Variants in UBAC2 observed in about 807,000 individuals in gnomAD.
The protein encoded by UBAC2 is ubiquitin-associated domain-containing protein 2.
A neutral mutation model predicts 44.0 loss-of-function variants in UBAC2; 26 were observed. The observed-to-expected ratio is 0.59, with a 90% CI of 0.43 to 0.82. The LOEUF is 0.82. Ranked by LOEUF, UBAC2 falls within the 40% of genes least tolerant of loss-of-function variation. UBAC2 has a pLI of 0.00. For missense variants in UBAC2, 329 were observed against 419.4 expected (o/e 0.78, Z 1.88); for synonymous variants, 155 against 154.3 (o/e 1.00, Z -0.04).
At position 99,370,447 on chromosome 13, in the gene UBAC2, A is replaced by C. The variant is rs180909490; in HGVS notation, c.927+2541A>C. Reference sequence around the variant, plus strand: ...TCAAAATCTATAAAAGAAAGTTAAGAGTGTTGCCATCATAATACTTTGAAG... The same window carrying C: ...TCAAAATCTATAAAAGAAAGTTAAGCGTGTTGCCATCATAATACTTTGAAG... On this transcript the variant is annotated intron_variant, in intron 8 of 8. Transcript: ENST00000403766. Among the ~76,000 whole-genome samples the C allele has an allele frequency of 3.1e-3, 476 of 152,348 alleles. 1 individual carries two copies. The highest frequency in any genetic ancestry group is 1.0e-2 in the African/African-American group (415 of 41,574).
chr13:99,294,812 C>T (rs773736681), intron 4 of UBAC2: 59 of 327,790 alleles, frequency 1.8e-4, no homozygotes, highest in Admixed American at 4.0e-4. Context: ...TTATTAAGAG[C>T]GCCTCCTTTT....
rs556372493 is a variant in UBAC2, at chr13:99,233,615, G to A, written c.32-4812G>A. Among the ~76,000 whole-genome samples the A allele has an allele frequency of 9.9e-5, 15 of 152,234 alleles. No individual in the cohort carries two copies. The East Asian group carries it at 2.3e-3, about 23-fold the overall frequency. Reference sequence around the variant, plus strand: ...GGGCTTCCACCTGGACCATCTGAACGTTGGAAAAAGAATGCAACTGATTGT... The same window carrying A: ...GGGCTTCCACCTGGACCATCTGAACATTGGAAAAAGAATGCAACTGATTGT... On this transcript the variant is annotated intron_variant, in intron 1 of 8. Coordinates refer to ENST00000403766, the MANE Select transcript of UBAC2 (RefSeq NM_001144072.2).
chr13:99,229,784 GTA>G (rs1555320783), intron 1 of UBAC2, among the ~76,000 whole-genome samples: 2 of 152,142 alleles, frequency 1.3e-5, no homozygotes, highest in Non-Finnish European at 2.9e-5. Flanking sequence ...TCTTATAAAT[GTA>G]TAGTTATAAA....
chr13:99,210,478 C>CTTTTTTTTTT (rs67744400), intron 1 of UBAC2, among the ~76,000 whole-genome samples: 2 of 112,632 alleles, frequency 1.8e-5, no homozygotes, highest in Non-Finnish European at 3.8e-5. Context: ...TTTTTCTTTT[C>CTTTTTTTTTT]TTTTTTTTTT....
chr13:99,380,443 C>T (rs1308955583), intron 8 of UBAC2, among the ~76,000 whole-genome samples: 1 of 152,152 alleles, frequency 6.6e-6, no homozygotes, highest in South Asian at 2.1e-4. Flanking sequence ...CCAAAGAGCC[C>T]TACAGACAAC....
chr13:99,296,164 C>A, intron 4 of UBAC2: 1 of 1,541,072 alleles, frequency 6.5e-7, no homozygotes, highest in Non-Finnish European at 8.7e-7. Flanking sequence ...GTCCAGGTGT[C>A]TAGAAAAAAA....
chr13:99,259,212 TTA>T (rs970787599), intron 4 of UBAC2, among the ~76,000 whole-genome samples: 10 of 152,168 alleles, frequency 6.6e-5, no homozygotes, highest in African/African-American at 2.4e-4. Flanking sequence ...TTAAAAAAAA[TTA>T]TCTCTCATTT....
intron 4 of UBAC2, chr13:99,255,318 G>A (rs145449053): frequency 3.6e-5 from 58 of 1,614,010 alleles, no homozygotes; most frequent in East Asian, 4.5e-5. Flanking sequence ...GGTTCAGCAC[G>A]TTCACAGCTT....
At chr13:99,246,193 TTGGTG>T (rs1177216190) in intron 4 of UBAC2, among the ~76,000 whole-genome samples, 1 of 152,196 alleles carries the variant, frequency 6.6e-6, no homozygotes, top group East Asian at 1.9e-4. Flanking sequence ...TGAATTATAG[TTGGTG>T]TGAATATCCA....
Position 99,318,071 on chromosome 13 carries a change from T to TAAC in UBAC2, c.561+4_561+5insCAA. 1 of 1,612,060 alleles carries TAAC rather than the reference T, an allele frequency of 6.2e-7. No individual in the cohort carries two copies. Among genetic ancestry groups the TAAC allele is most frequent in the Non-Finnish European group, 8.5e-7 (1 of 1,178,634 alleles). On this transcript the variant is annotated splice_region_variant and intron_variant, in intron 6 of 8. Transcript: ENST00000403766. ...TGGATTGTAGCCATAAGTGGACTTG[T>TAAC]AAGTGTGACTACCCTTTTACACCCA...
At chr13:99,361,792 T>C (rs1344847741) in intron 7 of UBAC2, among the ~76,000 whole-genome samples, 2 of 152,104 alleles carry the variant, frequency 1.3e-5, no homozygotes, top group Admixed American at 6.5e-5. Context: ...ATCTCCTGGA[T>C]TGGGGGTAGG....
In UBAC2 at chr13:99,385,299, C is replaced by G; in HGVS notation, c.999C>G (p.Asp333Glu). Residue 333 changes from aspartate (D) to glutamate (E), a missense_variant, in exon 9 of 9, where the codon GAC becomes GAG. Transcript: ENST00000403766. ...ALEALRASNN[D>E]LNVATNFLLQ... is the part of the protein sequence containing the mutation. ...AAGCCCTGAGAGCTTCAAACAATGA[C>G]CTCAATGTCGCCACCAACTTCCTGC... 6.2e-7 allele frequency: 1 copy of G among 1,614,130 alleles called. No individual in the cohort carries two copies.
At position 99,295,218 on chromosome 13, in the gene UBAC2, A is replaced by T; in HGVS notation, c.390-18879A>T. 2 of 1,614,130 alleles carry T rather than the reference A, an allele frequency of 1.2e-6. No individual in the cohort carries two copies. Among genetic ancestry groups the T allele is most frequent in the Non-Finnish European group, 1.7e-6 (2 of 1,180,002 alleles). ...TTTCTCTTATACCCTTTACATGCAA[A>T]GAAGTAGATAAAAGGGTCCATGCAG... On this transcript the variant is annotated intron_variant, in intron 4 of 8. Transcript: ENST00000403766. This position sits in a 1 kb window ranked among gnomAD's most constrained non-coding sequence, Gnocchi z 4.1.
At chr13:99,365,930 T>G (rs1170522753) in intron 7 of UBAC2, among the ~76,000 whole-genome samples, 1 of 152,230 alleles carries the variant, frequency 6.6e-6, no homozygotes, top group Admixed American at 6.5e-5. Context: ...CATATAAATA[T>G]GATATTCATG....
At chr13:99,300,281 G>A (rs191209442) in intron 4 of UBAC2, among the ~76,000 whole-genome samples, 5 of 152,370 alleles carry the variant, frequency 3.3e-5, no homozygotes, top group South Asian at 2.1e-4. Context: ...GAATGTGGAC[G>A]TGTAAGTGGG....
At chr13:99,322,681 A>G (rs1034965382) in intron 6 of UBAC2, among the ~76,000 whole-genome samples, 6 of 152,194 alleles carry the variant, frequency 3.9e-5, no homozygotes, top group African/African-American at 9.7e-5. Flanking sequence ...TGTGGAAAAA[A>G]AACAATCTGT....
chr13:99,260,163 A>G lies in UBAC2; in HGVS notation c.389+15539A>G, dbSNP rs145952109. 2.6e-5 allele frequency among the ~76,000 whole-genome samples: 4 copies of G among 152,084 alleles called. No individual in the cohort carries two copies. In the South Asian group the frequency reaches 6.2e-4, roughly 24 times the overall value. ...CCTTTTTCAGGAAGCTTTCTCTGCC[A>G]TCCGAAGCTGGGCTGGTTTCTCTGC... On this transcript the variant is annotated intron_variant, in intron 4 of 8. Coordinates refer to ENST00000403766, the MANE Select transcript of UBAC2 (RefSeq NM_001144072.2).
At chr13:99,317,181 T>G (rs1263207864) in intron 5 of UBAC2, among the ~76,000 whole-genome samples, 2 of 152,190 alleles carry the variant, frequency 1.3e-5, no homozygotes, top group African/African-American at 4.8e-5. Flanking sequence ...TGCAGAACTT[T>G]GAGGTTTTCA....
Position 99,231,130 on chromosome 13 carries a change from C to A in UBAC2, c.32-7297C>A, listed in dbSNP as rs141811120. On this transcript the variant is annotated intron_variant, in intron 1 of 8. Transcript: ENST00000403766. ...CATCTCAAGGACATCTGATTAGCAA[C>A]CTCAATTCTGTCTGCAACCTTAACT... 1.1e-4 allele frequency among the ~76,000 whole-genome samples: 16 copies of A among 152,272 alleles called. No individual in the cohort carries two copies. In the East Asian group the frequency reaches 2.9e-3, roughly 28 times the overall value.
Sources: gnomAD v4.1 joint callset for allele counts (sites outside exome capture counted in the v4.1 genomes callset) on GRCh38, gnomAD v4.1.1 for gene constraint, Gnocchi (gnomAD v3.1) non-coding constraint, MANE v1.5 for transcripts, NCBI Gene and HGNC (gene_info 2026-07-23, HGNC 2026-07-21) for gene names.